The following DOCK2 variants were observed in gnomAD, a reference collection of about 807,000 sequenced individuals.
DOCK2 encodes the protein dedicator of cytokinesis protein 2.
Under a neutral mutation model 248.9 loss-of-function variants are expected in DOCK2, and 87 were observed. The observed-to-expected ratio is 0.35, with a 90% confidence interval of 0.29 to 0.42. The LOEUF (loss-of-function observed/expected upper bound fraction) is 0.42. Among genes scored for constraint, DOCK2 ranks in the 10% least tolerant of loss-of-function variants. The pLI, the probability that DOCK2 is intolerant of heterozygous loss-of-function variation, is 1.00. For synonymous variants in DOCK2, 805 were observed against 821.6 expected, an observed-to-expected ratio of 0.98 and a Z score of 0.35; for missense variants, 1,747 against 2,300.2, an observed-to-expected ratio of 0.76 and a Z score of 4.92.
chr5:169,700,761 C>T (rs944242384), intron 13 of DOCK2, among the ~76,000 whole-genome samples: 296 of 152,124 alleles, frequency 1.9e-3, no homozygotes, highest in African/African-American at 6.8e-3. Flanking sequence ...CCCAACAAAC[C>T]AGACTGAAAA....
Position 169,702,320 on chromosome 5 carries a change from A to T in DOCK2, c.1276A>T (p.Ile426Phe), listed in dbSNP as rs1761017346. ...IIMPGDVRND[I>F]YITLLQGDFD... ...TGCCTCAGGGGATGTCAGGAACGAC[A>T]TCTACATTACTCTCTTACAAGGTGA... is the stretch of plus-strand genomic sequence containing the variant. The change falls in exon 14 of 52, where the codon ATC becomes TTC. Residue 426 changes from isoleucine to phenylalanine, a missense_variant. Physicochemically the swap from Ile to Phe is conservative, Grantham distance 21. This residue lies in a region of DOCK2 where 858 missense variants were observed against 1,183.5 expected (regional missense o/e 0.72). Transcript: ENST00000520908. 9 of 1,613,810 alleles carry T rather than the reference A, an allele frequency of 5.6e-6. No homozygotes were observed. The highest frequency in any genetic ancestry group is 7.6e-6 in the Non-Finnish European group (9 of 1,179,846).
intron 49 of DOCK2, 164 bp downstream of exon 49, chr5:170,079,310 T>A: frequency 1.0e-6 from 1 of 984,746 alleles, no homozygotes; most frequent in Non-Finnish European, 1.5e-6. Context: ...GTGAAGTGCT[T>A]ACTCGTGCCC....
At chr5:169,711,889 G>T in intron 15 of DOCK2, 46 bp from the exon 16 acceptor site, 1 of 1,607,322 alleles carries the variant, frequency 6.2e-7, no homozygotes, top group Non-Finnish European at 8.5e-7. Flanking sequence ...CAGTGGGGAG[G>T]GCCCTTTAAC....
intron 27 of DOCK2, among the ~76,000 whole-genome samples, chr5:169,891,546 TA>T (rs1773282981): frequency 6.6e-6 from 1 of 152,018 alleles, no homozygotes; most frequent in African/African-American, 2.4e-5. Flanking sequence ...TAAAACAGAA[TA>T]AAGTGGAGTT....
intron 27 of DOCK2, among the ~76,000 whole-genome samples, chr5:169,869,211 C>T (rs1277009184): frequency 2.6e-5 from 4 of 152,146 alleles, no homozygotes; most frequent in African/African-American, 9.7e-5. Flanking sequence ...TCACCCCTCC[C>T]CACCATCTAC....
intron 25 of DOCK2, among the ~76,000 whole-genome samples, chr5:169,798,227 T>C (rs544188840): frequency 1.3e-5 from 2 of 152,328 alleles, no homozygotes; most frequent in African/African-American, 4.8e-5. Context: ...TCGGAACCTA[T>C]GTTTTGTAGA....
At chr5:169,708,029 TG>T in intron 14 of DOCK2, 139 bp from the exon 15 acceptor site, 1 of 725,440 alleles carries the variant, frequency 1.4e-6, no homozygotes, top group Non-Finnish European at 2.3e-6. Flanking sequence ...GGAGCCATTA[TG>T]GGCACCTGGC....
intron 44 of DOCK2, among the ~76,000 whole-genome samples, chr5:170,065,918 G>A (rs1757473288): frequency 6.6e-6 from 1 of 151,884 alleles, no homozygotes; most frequent in East Asian, 1.9e-4. Context: ...TGAAAGTGAA[G>A]GGATGGAAAA....
At chr5:169,936,237 A>G (rs986789124) in intron 27 of DOCK2, among the ~76,000 whole-genome samples, 2 of 152,226 alleles carry the variant, frequency 1.3e-5, no homozygotes, top group African/African-American at 4.8e-5. Context: ...GCGTGATAAC[A>G]CTTCCGTGCA....
intron 27 of DOCK2, among the ~76,000 whole-genome samples, chr5:169,949,885 AC>A (rs1209848828): frequency 6.6e-6 from 1 of 151,972 alleles, no homozygotes; most frequent in Non-Finnish European, 1.5e-5. Flanking sequence ...CACCATACAT[AC>A]GTGCTCATAT....
At chr5:170,063,707 G>A (rs989907245) in intron 44 of DOCK2, among the ~76,000 whole-genome samples, 1 of 152,198 alleles carries the variant, frequency 6.6e-6, no homozygotes, top group African/African-American at 2.4e-5. Context: ...CCAAGGGACT[G>A]TCCTCTTAAG....
intron 27 of DOCK2, among the ~76,000 whole-genome samples, chr5:169,899,353 A>G (rs1773791318): frequency 6.6e-6 from 1 of 152,160 alleles, no homozygotes; most frequent in Non-Finnish European, 1.5e-5. Flanking sequence ...AGTGCAGCCA[A>G]TTCATATTCT....
At chr5:169,894,817 C>T (rs932694452) in intron 27 of DOCK2, among the ~76,000 whole-genome samples, 2 of 152,138 alleles carry the variant, frequency 1.3e-5, no homozygotes, top group Non-Finnish European at 2.9e-5. Flanking sequence ...GACAAAATCC[C>T]AGGTTTTGAG....
chr5:169,934,638 T>C (rs761452873), intron 27 of DOCK2: 27 of 456,130 alleles, frequency 5.9e-5, no homozygotes, highest in Admixed American at 2.3e-4. Context: ...AAGTCTTGTC[T>C]CCTTCCTTTC....
intron 33 of DOCK2, among the ~76,000 whole-genome samples, chr5:170,026,012 C>T (rs1460143522): frequency 6.6e-6 from 1 of 151,990 alleles, no homozygotes; most frequent in African/African-American, 2.4e-5. Flanking sequence ...ACCCATTTTT[C>T]CAGGCCCGGT....
intron 47 of DOCK2, 133 bp from the exon 48 acceptor site, chr5:170,077,577 C>T (rs1757877885): frequency 2.3e-6 from 3 of 1,319,794 alleles, no homozygotes; most frequent in Admixed American, 4.3e-5. Flanking sequence ...CTCAGCCAGC[C>T]AGGAACTTTT....
chr5:169,840,475 T>A (rs1769884911), intron 26 of DOCK2, among the ~76,000 whole-genome samples: 1 of 152,174 alleles, frequency 6.6e-6, no homozygotes, highest in Non-Finnish European at 1.5e-5. Context: ...GTATTCTAGC[T>A]CCAAAGTTCC....
At chr5:169,851,850 C>T (rs1415980617) in intron 27 of DOCK2, among the ~76,000 whole-genome samples, 1 of 152,130 alleles carries the variant, frequency 6.6e-6, no homozygotes, top group Non-Finnish European at 1.5e-5. Flanking sequence ...TGAGAACAGC[C>T]TGGGGAAAAC....
intron 26 of DOCK2, among the ~76,000 whole-genome samples, chr5:169,824,520 G>T (rs1411266342): frequency 6.6e-6 from 1 of 152,124 alleles, no homozygotes; most frequent in Non-Finnish European, 1.5e-5. Flanking sequence ...CAAGCAATGG[G>T]GAAAGGATTC....
Sources: allele counts gnomAD v4.1 joint callset (sites outside exome capture counted in the v4.1 genomes callset), GRCh38; gene constraint gnomAD v4.1.1; regional missense constraint gnomAD v4.1.1; transcripts MANE v1.5; gene names NCBI Gene and HGNC (gene_info 2026-07-23, HGNC 2026-07-21).